The following PLEKHG2 variants were observed in gnomAD, a reference collection of about 807,000 sequenced individuals.
PLEKHG2 encodes pleckstrin homology and RhoGEF domain containing G2, also known as pleckstrin homology domain-containing family G member 2.
PLEKHG2 carries 71 observed loss-of-function variants against 104.4 expected under a neutral mutation model. The ratio of observed to expected loss-of-function variants is 0.68; its 90% confidence interval spans 0.56 to 0.83. PLEKHG2 has a LOEUF of 0.83. Among genes scored for constraint, PLEKHG2 ranks in the 40% least tolerant of loss-of-function variants. The pLI is 0.00. For missense variants in PLEKHG2, 1,730 were observed against 1,809.4 expected (o/e 0.96, Z 0.80); for synonymous variants, 728 against 737.0 (o/e 0.99, Z 0.20).
chr19:39,424,946 C>T lies in PLEKHG2; in HGVS notation c.3813C>T (p.Gly1271=), dbSNP rs749662248. 10 of 1,614,216 alleles carry T rather than the reference C, an allele frequency of 6.2e-6. No individual in the cohort carries two copies. The South Asian group carries it at 8.8e-5, about 14-fold the overall frequency. ...SPPPSSRQLL[G]PNAAALSRYL... ...CACCTTCCAGCCGTCAGCTCCTGGGCCCCAATGCAGCTGCCCTCTCCAGAT... is the reference window on the plus strand; with the variant it reads ...CACCTTCCAGCCGTCAGCTCCTGGGTCCCAATGCAGCTGCCCTCTCCAGAT... Residue 1271 remains glycine, a synonymous_variant, in exon 19 of 19, where the codon GGC becomes GGT. Coordinates refer to ENST00000425673, the MANE Select transcript of PLEKHG2 (RefSeq NM_022835.3).
At chr19:39,421,891 C>T (rs1349895408) in intron 16 of PLEKHG2, 1 of 378,960 alleles carries the variant, frequency 2.6e-6, no homozygotes, top group Non-Finnish European at 4.7e-6. Context: ...GTGGCAGGCG[C>T]CTGTAATCCC....
Position 39,423,311 on chromosome 19 carries a change from C to T in PLEKHG2, c.2257C>T (p.Gln753Ter), listed in dbSNP as rs1417043902. ...CCAGCCCCAGGATGTCACCCAACAT[C>T]AGGGATTCCCAGATGAGCTGGCATT... ...DFQPQDVTQH[Q>*]GFPDELAFRS... Residue 753 changes from glutamine (Q) to a stop codon, truncating the protein, a stop_gained, in exon 18 of 19, where the codon CAG (glutamine) becomes TAG (stop). Coordinates refer to ENST00000425673, the MANE Select transcript of PLEKHG2 (RefSeq NM_022835.3). LOFTEE classifies it high-confidence loss of function. 1 of 1,613,952 alleles carries T rather than the reference C, an allele frequency of 6.2e-7. No individual in the cohort carries two copies. The highest frequency in any genetic ancestry group is 8.5e-7 in the Non-Finnish European group (1 of 1,179,916).
At chr19:39,422,535 A>G (rs1285742218) in intron 17 of PLEKHG2, among the ~76,000 whole-genome samples, 197 bp from the exon 18 acceptor site, 1 of 145,304 alleles carries the variant, frequency 6.9e-6, no homozygotes, top group African/African-American at 2.5e-5. Context: ...CCGCCAACAC[A>G]CCCGGCTAAT....
chr19:39,423,317 T>A lies in PLEKHG2; in HGVS notation c.2263T>A (p.Phe755Ile). ...QPQDVTQHQG[F>I]PDELAFRSCS... ...CCAGGATGTCACCCAACATCAGGGA[T>A]TCCCAGATGAGCTGGCATTCCGCTC... Residue 755 changes from phenylalanine to isoleucine, a missense_variant, in exon 18 of 19, where the codon TTC becomes ATC. Phe to Ile is a conservative substitution (Grantham distance 21, BLOSUM62 0). Coordinates refer to ENST00000425673, the MANE Select transcript of PLEKHG2 (RefSeq NM_022835.3). The A allele has an allele frequency of 6.2e-7, 1 of 1,614,058 alleles. No individual in the cohort carries two copies. Among genetic ancestry groups the A allele is most frequent in the Non-Finnish European group, 8.5e-7 (1 of 1,179,894 alleles).
intron 17 of PLEKHG2, 68 bp from the exon 18 acceptor site, chr19:39,422,664 C>T: frequency 2.7e-6 from 4 of 1,483,748 alleles, no homozygotes; most frequent in Admixed American, 2.4e-5. Flanking sequence ...GCTGGGATTA[C>T]AGGCGTGAGC....
intron 11 of PLEKHG2, among the ~76,000 whole-genome samples, chr19:39,419,605 C>T (rs930550400): frequency 3.3e-5 from 5 of 151,768 alleles, no homozygotes; most frequent in African/African-American, 4.8e-5. Flanking sequence ...AGGCCGGGCG[C>T]GGTGGCTCAT....
intron 11 of PLEKHG2, 89 bp downstream of exon 11, chr19:39,419,092 A>G: frequency 8.2e-7 from 1 of 1,226,038 alleles, no homozygotes; most frequent in Non-Finnish European, 1.1e-6. Context: ...CCAATGCCAG[A>G]GCAGTCTGTT....
Position 39,424,229 on chromosome 19 carries a change from T to G in PLEKHG2, c.3096T>G (p.Val1032=). The G allele has an allele frequency of 6.2e-7, 1 of 1,614,100 alleles. No individual in the cohort carries two copies. Among genetic ancestry groups the G allele is most frequent in the South Asian group, 1.1e-5 (1 of 91,076 alleles). ...AGGAGATTTGTTCTGATTTCACAGT[T>G]TCAGTCACCACCCCTGTGCCCAAGC... The part of the protein sequence containing the change: ...LPKEICSDFT[V]SVTTPVPKQE... The change falls in exon 19 of 19, where the codon GTT becomes GTG. Residue 1032 remains valine, a synonymous_variant. Transcript: ENST00000425673.
rs548215339 is a variant in PLEKHG2, at chr19:39,425,439, CCTT to C, written c.*149_*151del. 1 of 1,301,762 alleles carries C rather than the reference CCTT, an allele frequency of 7.7e-7. No individual in the cohort carries two copies. The highest frequency in any genetic ancestry group is 1.0e-6 in the Non-Finnish European group (1 of 988,006). The allele number at this position is 1,301,762 out of a possible 1,614,324, so 80.6% of individuals were successfully genotyped here. ...CCTGGTATCTGCATCGGCGAATGGC[CCTT>C]CTTGCCTTGATCCACAGGGATGGGG... On this transcript the variant is annotated 3_prime_UTR_variant, in exon 19 of 19. Transcript: ENST00000425673.
chr19:39,421,227 T>G, intron 15 of PLEKHG2, 56 bp from the exon 16 acceptor site: 1 of 1,612,620 alleles, frequency 6.2e-7, no homozygotes, highest in East Asian at 2.2e-5. Flanking sequence ...GGGGAATCAC[T>G]CTTTTTCCCT....
At position 39,423,355 on chromosome 19, in the gene PLEKHG2, C is replaced by A. The variant is rs749379882; in HGVS notation, c.2301C>A (p.Ile767=). ...DELAFRSCSE[I]RSAWQALEQG... is the part of the protein sequence containing the mutation. ...TGGCATTCCGCTCTTGCTCAGAAAT[C>A]CGGAGCGCCTGGCAGGCATTGGAAC... Residue 767 remains isoleucine, a synonymous_variant, in exon 18 of 19, where the codon ATC becomes ATA. Transcript: ENST00000425673. The A allele has an allele frequency of 2.5e-6, 4 of 1,613,640 alleles. No individual in the cohort carries two copies. In the Admixed American group the frequency reaches 5.0e-5, roughly 20 times the overall value.
In PLEKHG2 at chr19:39,425,708, T is replaced by C; in HGVS notation, c.*414T>C. ...TGATGCCCATCCAGGAAAGCCAAGTTAAGAAGCTTTGCTTCAAGTAGACAC... is the reference window on the plus strand; with the variant it reads ...TGATGCCCATCCAGGAAAGCCAAGTCAAGAAGCTTTGCTTCAAGTAGACAC... On this transcript the variant is annotated 3_prime_UTR_variant, in exon 19 of 19. Coordinates refer to ENST00000425673, the MANE Select transcript of PLEKHG2 (RefSeq NM_022835.3). 1 of 283,282 alleles carries C rather than the reference T, an allele frequency of 3.5e-6. No individual in the cohort carries two copies. The highest frequency in any genetic ancestry group is 9.7e-4 in the Middle Eastern group (1 of 1,026). The allele number at this position is 283,282 out of a possible 1,614,324, so 17.5% of individuals were successfully genotyped here.
rs2078627463 is a variant in PLEKHG2 at position 39,417,603 on chromosome 19, A to G, written c.793A>G (p.Met265Val). ...GGGCCCAGGCACTGGGGGTCGCGAG[A>G]TGGTGGAGGAAGCTATTGTGTCCAT... ...AEGPGTGGRE[M>V]VEEAIVSMTA... The change falls in exon 8 of 19, where the codon ATG (methionine) becomes GTG (valine). Residue 265 changes from methionine to valine, a missense_variant. Coordinates refer to ENST00000425673, the MANE Select transcript of PLEKHG2 (RefSeq NM_022835.3). 6.8e-6 allele frequency: 11 copies of G among 1,613,906 alleles called. 1 individual carries two copies. The East Asian group carries it at 1.8e-4, about 26-fold the overall frequency.
chr19:39,417,995 G>T lies in PLEKHG2; in HGVS notation c.973G>T (p.Gly325Trp). Residue 325 changes from glycine to tryptophan, a missense_variant, in exon 9 of 19, where the codon GGG (glycine) becomes TGG (tryptophan). By Grantham distance (184) the Gly-to-Trp change is radical. Coordinates refer to ENST00000425673, the MANE Select transcript of PLEKHG2 (RefSeq NM_022835.3). The stretch of plus-strand genomic sequence containing the variant: ...GGAGGGCGCGTTCCGAGGAGGCGGA[G>T]GGGGTGGCCCCCGGCTACGAGGGGG... The part of the protein sequence containing the change: ...VLEGAFRGGG[G>W]GGPRLRGGER... The T allele has an allele frequency of 6.4e-7, 1 of 1,557,518 alleles. No individual in the cohort carries two copies. The highest frequency in any genetic ancestry group is 8.7e-7 in the Non-Finnish European group (1 of 1,153,500).
At position 39,422,106 on chromosome 19, in the gene PLEKHG2, T is replaced by A; in HGVS notation, c.1504-9T>A. ...GGCTCTTGCCTTCCATTGCTTTCCC[T>A]CCTCACAGCACGCTGGCAGCGAAGG... On this transcript the variant is annotated splice_polypyrimidine_tract_variant and intron_variant, in intron 16 of 18. Coordinates refer to ENST00000425673, the MANE Select transcript of PLEKHG2 (RefSeq NM_022835.3). 6.2e-7 allele frequency: 1 copy of A among 1,602,314 alleles called. No individual in the cohort carries two copies.
rs762790397 is a variant in PLEKHG2, at chr19:39,417,027, T to C, written c.744+27T>C. Reference sequence around the variant, plus strand: ...TCAGCTGGGGCCCCTGGAGCCAGGCTGGGGAGGGGGAGGTCCTGTCCCTTG... The same window carrying C: ...TCAGCTGGGGCCCCTGGAGCCAGGCCGGGGAGGGGGAGGTCCTGTCCCTTG... On this transcript the variant is annotated intron_variant, in intron 7 of 18. Transcript: ENST00000425673. The C allele has an allele frequency of 8.9e-6, 14 of 1,579,768 alleles. No homozygotes were observed. The African/African-American group carries it at 1.8e-4, about 20-fold the overall frequency.
intron 2 of PLEKHG2, 147 bp from the exon 3 acceptor site, chr19:39,414,845 C>A: frequency 2.1e-6 from 2 of 935,942 alleles, no homozygotes; most frequent in East Asian, 2.7e-5. Flanking sequence ...GGGACTGGAC[C>A]AAGACAGGGC....
chr19:39,419,879 CA>C lies in PLEKHG2; in HGVS notation c.1264-735del, dbSNP rs993515390. On this transcript the variant is annotated intron_variant, in intron 11 of 18. Transcript: ENST00000425673. ...TGGGCAACAGAGTGAGCCTCTGTCT[CA>C]AAAAAAAAAAAGAAAAAGAAAAATT... Among the ~76,000 whole-genome samples, 354 of 99,970 alleles carry C rather than the reference CA, an allele frequency of 3.5e-3. 2 individuals are homozygous for C. Among genetic ancestry groups the C allele is most frequent in the Admixed American group, 8.3e-3 (86 of 10,362 alleles). 65.6% of individuals were successfully genotyped at this position (99,970 alleles called of 152,430 possible).
chr19:39,415,455 G>T lies in PLEKHG2; in HGVS notation c.479+16G>T. 1 of 1,613,180 alleles carries T rather than the reference G, an allele frequency of 6.2e-7. No individual in the cohort carries two copies. Among genetic ancestry groups the T allele is most frequent in the Non-Finnish European group, 8.5e-7 (1 of 1,179,500 alleles). ...AGTTCAGCAGGTCAGGGGCAGGGGG[G>T]ACAGGCAGGGGGCATTGATTGGTTG... is the stretch of plus-strand genomic sequence containing the variant. On this transcript the variant is annotated intron_variant, in intron 4 of 18. Coordinates refer to ENST00000425673, the MANE Select transcript of PLEKHG2 (RefSeq NM_022835.3). This position sits in a 1 kb window ranked among gnomAD's most constrained non-coding sequence, Gnocchi z 4.6.
Sources: gnomAD v4.1 joint callset for allele counts (sites outside exome capture counted in the v4.1 genomes callset) on GRCh38, gnomAD v4.1.1 for gene constraint, Gnocchi (gnomAD v3.1) non-coding constraint, MANE v1.5 for transcripts, NCBI Gene and HGNC (gene_info 2026-07-23, HGNC 2026-07-21) for gene names.